PCDH15: variants seen among roughly 807,000 people sequenced by gnomAD.
PCDH15 encodes protocadherin-15.
A neutral mutation model predicts 178.5 loss-of-function variants in PCDH15; 129 were observed. That is an observed-to-expected ratio of 0.72 (90% confidence interval 0.63 to 0.84). The LOEUF (loss-of-function observed/expected upper bound fraction) is 0.84, where lower values mean the gene tolerates loss of function less well. Among genes scored for constraint, PCDH15 ranks in the 40% least tolerant of loss-of-function variants. PCDH15 has a pLI of 0.00. For synonymous variants in PCDH15, 800 were observed against 732.0 expected (o/e 1.09, Z -1.50); for missense variants, 2,230 against 2,099.9 (o/e 1.06, Z -1.21).
intron 2 of PCDH15, among the ~76,000 whole-genome samples, chr10:55,489,520 T>C (rs1279590668): frequency 6.6e-6 from 1 of 151,716 alleles, no homozygotes; most frequent in Non-Finnish European, 1.5e-5. Context: ...CACTTCCCAC[T>C]GTTACCCCAT....
chr10:54,785,530 G>C (rs1950778313), intron 1 of PCDH15, among the ~76,000 whole-genome samples: 1 of 151,854 alleles, frequency 6.6e-6, no homozygotes, highest in South Asian at 2.1e-4. Context: ...TTTTGATCTG[G>C]ATTAATTAAT....
chr10:55,601,981 G>A (rs1316048346), intron 2 of PCDH15, among the ~76,000 whole-genome samples: 3 of 152,096 alleles, frequency 2.0e-5, no homozygotes, highest in South Asian at 2.1e-4. Context: ...GAGGTACCAG[G>A]TTCATCTCAC....
intron 15 of PCDH15, among the ~76,000 whole-genome samples, chr10:54,110,868 T>C (rs1305470925): frequency 6.6e-6 from 1 of 152,200 alleles, no homozygotes; most frequent in Admixed American, 6.5e-5. Flanking sequence ...CCACGAGACA[T>C]ATAATTGAAT....
intron 8 of PCDH15, among the ~76,000 whole-genome samples, chr10:54,247,484 C>G (rs1422067068): frequency 6.6e-6 from 1 of 151,596 alleles, no homozygotes; most frequent in Non-Finnish European, 1.5e-5. Context: ...TGTAGGACAT[C>G]TAAATACAAA....
At chr10:54,978,669 C>T (rs971966507) in intron 2 of PCDH15, among the ~76,000 whole-genome samples, 1 of 152,104 alleles carries the variant, frequency 6.6e-6, no homozygotes, top group African/African-American at 2.4e-5. Context: ...ATACTGTAAT[C>T]AATGGAAAAG....
intron 2 of PCDH15, among the ~76,000 whole-genome samples, chr10:55,126,200 C>T (rs1029996269): frequency 6.6e-6 from 1 of 152,046 alleles, no homozygotes; most frequent in African/African-American, 2.4e-5. Flanking sequence ...TTCTCTCACA[C>T]CATTGCTCTT....
intron 2 of PCDH15, among the ~76,000 whole-genome samples, chr10:54,594,668 T>C (rs1192425094): frequency 6.6e-6 from 1 of 152,234 alleles, no homozygotes. Context: ...TCTTTGCCTG[T>C]ACATGTGTTT....
At position 53,995,668 on chromosome 10, in the gene PCDH15, G is replaced by C; in HGVS notation, c.2849C>G (p.Ala950Gly). 1.2e-6 allele frequency: 2 copies of C among 1,613,870 alleles called. No individual in the cohort carries two copies. Among genetic ancestry groups the C allele is most frequent in the Non-Finnish European group, 1.7e-6 (2 of 1,179,814 alleles). ...ACTTACAGGAGGGTCTGCATCTTCA[G>C]CATAAACTGTTGTGATAGGTGTACC... is the stretch of plus-strand genomic sequence containing the variant. Reference protein sequence around the residue: ...VKGTPITTVYAEDADPPGLPA... With the variant: ...VKGTPITTVYGEDADPPGLPA... The change falls in exon 21 of 38, where the codon GCT becomes GGT. Residue 950 changes from alanine (A) to glycine (G), a missense_variant. Coordinates refer to ENST00000644397, the MANE Select transcript of PCDH15 (RefSeq NM_001384140.1).
At chr10:53,829,520 A>C (rs2076896327) in intron 30 of PCDH15, among the ~76,000 whole-genome samples, 1 of 152,218 alleles carries the variant, frequency 6.6e-6, no homozygotes, top group Admixed American at 6.5e-5. Context: ...GAATGGATTT[A>C]ACATTATAAT....
At chr10:54,266,024 G>T (rs1450974578) in intron 8 of PCDH15, among the ~76,000 whole-genome samples, 1 of 149,120 alleles carries the variant, frequency 6.7e-6, no homozygotes, top group Admixed American at 6.8e-5. Context: ...GATCACATAT[G>T]CAGTCATAAA....
intron 3 of PCDH15, among the ~76,000 whole-genome samples, chr10:54,878,490 A>G (rs978708081): frequency 6.6e-6 from 1 of 152,154 alleles, no homozygotes; most frequent in Admixed American, 6.6e-5. Flanking sequence ...TAGAAGCCTC[A>G]TTCCATTGTT....
chr10:54,700,289 T>C (rs1179698066), intron 1 of PCDH15, among the ~76,000 whole-genome samples: 1 of 152,152 alleles, frequency 6.6e-6, no homozygotes, highest in Admixed American at 6.6e-5. Flanking sequence ...ATGAGAACTC[T>C]GGACGCTAAA....
At chr10:54,212,287 A>G (rs974496540) in intron 10 of PCDH15, among the ~76,000 whole-genome samples, 4 of 152,152 alleles carry the variant, frequency 2.6e-5, no homozygotes, top group Non-Finnish European at 5.9e-5. Context: ...AATCTCATGC[A>G]TGGCCATTTA....
rs74136256 is a variant in PCDH15 at position 54,743,708 on chromosome 10, C to T, written c.-29+57217G>A. On this transcript the variant is annotated intron_variant, in intron 1 of 37. Coordinates refer to ENST00000644397, the MANE Select transcript of PCDH15 (RefSeq NM_001384140.1). ...TATAGAGGCATAGTAGCATCCTTAA[C>T]ATGACATACACTGTGCTCCTAAATA... 7.8e-3 allele frequency among the ~76,000 whole-genome samples: 1,183 copies of T among 151,958 alleles called. 16 individuals are homozygous for T. Among genetic ancestry groups the T allele is most frequent in the African/African-American group, 0.027 (1,131 of 41,470 alleles).
Position 54,831,786 on chromosome 10 carries a change from C to A in PCDH15, c.-29+65664G>T, listed in dbSNP as rs529936565. ...TATAGAGATTTTACTACCAAAAAAA[C>A]ACATTTATTACATGATCAATTGGCC... is the stretch of plus-strand genomic sequence containing the variant. On this transcript the variant is annotated intron_variant, in intron 3 of 5. Transcript: ENST00000458638. Among the ~76,000 whole-genome samples, 125 of 152,018 alleles carry A rather than the reference C, an allele frequency of 8.2e-4. No homozygotes were observed. The South Asian group carries it at 0.018, about 22-fold the overall frequency.
chr10:54,141,275 T>C (rs192227711), intron 14 of PCDH15, among the ~76,000 whole-genome samples: 56 of 152,236 alleles, frequency 3.7e-4, no homozygotes, highest in East Asian at 1.7e-3. Flanking sequence ...AAAACATTGA[T>C]GAAGGACAGC....
chr10:54,699,999 C>A (rs911169985), intron 1 of PCDH15, among the ~76,000 whole-genome samples: 2 of 151,980 alleles, frequency 1.3e-5, no homozygotes, highest in Non-Finnish European at 2.9e-5. Flanking sequence ...AAATCCTTAA[C>A]CTCTCCATTG....
intron 1 of PCDH15, among the ~76,000 whole-genome samples, chr10:54,788,527 GA>G (rs568995839): frequency 1.2e-4 from 18 of 151,630 alleles, no homozygotes; most frequent in East Asian, 7.8e-4. Context: ...GGCTGGAGGG[GA>G]AAAAAATAAG....
chr10:53,806,445 T>TAAAGC lies in PCDH15; in HGVS notation c.*129_*133dup. On this transcript the variant is annotated 3_prime_UTR_variant, in exon 38 of 38. Transcript: ENST00000644397. ...AGTGCAAATCTGTCTCTTAAAATTTTAAAGCATATTGTTCAAAGTTTTAGC... is the reference window on the plus strand; with the variant it reads ...AGTGCAAATCTGTCTCTTAAAATTTTAAAGCAAAGCATATTGTTCAAAGTTTTAGC... The TAAAGC allele has an allele frequency of 1.3e-6, 1 of 764,668 alleles. No individual in the cohort carries two copies. The highest frequency in any genetic ancestry group is 2.0e-6 in the Non-Finnish European group (1 of 492,388). 47.4% of individuals were successfully genotyped at this position (764,668 alleles called of 1,614,324 possible).
Sources: allele counts gnomAD v4.1 joint callset (sites outside exome capture counted in the v4.1 genomes callset), GRCh38; gene constraint gnomAD v4.1.1; transcripts MANE v1.5; gene names NCBI Gene and HGNC (gene_info 2026-07-23, HGNC 2026-07-21).